EFHB: variants seen among roughly 807,000 people sequenced by gnomAD.
The protein encoded by EFHB is EF-hand domain-containing family member B.
A neutral mutation model predicts 87.2 loss-of-function variants in EFHB; 91 were observed. The ratio of observed to expected loss-of-function variants is 1.04; its 90% CI spans 0.88 to 1.24. The LOEUF is 1.24. Ranked by LOEUF, EFHB falls within the 50% of genes most tolerant of loss-of-function variation. The pLI, the probability that EFHB is intolerant of heterozygous loss-of-function variation, is 0.00. For missense variants in EFHB, 1,084 were observed against 998.8 expected (o/e 1.09, Z -1.15); for synonymous variants, 325 against 333.6 (o/e 0.97, Z 0.28).
At chr3:19,879,857 A>G in intron 12 of EFHB, 53 bp from the exon 13 acceptor site, 1 of 1,478,616 alleles carries the variant, frequency 6.8e-7, no homozygotes, top group South Asian at 1.4e-5. Context: ...AAAACTTGTA[A>G]TGAAAAATAT....
rs772120595 is a variant in EFHB at position 19,933,328 on chromosome 3, T to C, written c.691A>G (p.Lys231Glu). 1.3e-5 allele frequency: 21 copies of C among 1,613,836 alleles called. No homozygotes were observed. In the South Asian group the frequency reaches 2.2e-4, roughly 17 times the overall value. ...CCTGATTCAATGTTTCCAGCCTCCT[T>C]TCTCTGTTCATGTTGTTGGGCAAAC... The part of the protein sequence containing the change: ...CQFAQQHEQR[K>E]EAGNIESGVE... Residue 231 changes from lysine to glutamate, a missense_variant, in exon 1 of 13, where the codon AAG (lysine) becomes GAG (glutamate). Physicochemically the swap from Lys to Glu is moderately conservative, Grantham distance 56 (BLOSUM62 1). Transcript: ENST00000295824.
intron 10 of EFHB, among the ~76,000 whole-genome samples, chr3:19,885,395 G>A (rs1413647130): frequency 2.6e-5 from 4 of 152,184 alleles, no homozygotes; most frequent in Non-Finnish European, 5.9e-5. Context: ...AACTCACTGT[G>A]AGCTCAAGAA....
At chr3:19,936,428 G>T, upstream of EFHB, 1 of 518,930 alleles carries the variant, frequency 1.9e-6, no homozygotes, top group Non-Finnish European at 3.4e-6. Context: ...GCCAGGTGTA[G>T]TGGTACATGC....
At chr3:19,906,340 G>A (rs1042877990) in intron 5 of EFHB, among the ~76,000 whole-genome samples, 1 of 151,796 alleles carries the variant, frequency 6.6e-6, no homozygotes, top group African/African-American at 2.4e-5. Flanking sequence ...AAAAACAAAA[G>A]AACTAATAAG....
chr3:19,884,563 T>C lies in EFHB; in HGVS notation c.1986A>G (p.Glu662=). 6.2e-7 allele frequency: 1 copy of C among 1,614,008 alleles called. No individual in the cohort carries two copies. Among genetic ancestry groups the C allele is most frequent in the Non-Finnish European group, 8.5e-7 (1 of 1,179,890 alleles). The change falls in exon 11 of 13, where the codon GAA becomes GAG. Residue 662 remains glutamate, a synonymous_variant. Transcript: ENST00000295824. ...CTTCTGGCTTTATGAGGAGAGTTTGTTCAGGTTCTTCAACATTAGCCTCAG... is the reference window on the plus strand; with the variant it reads ...CTTCTGGCTTTATGAGGAGAGTTTGCTCAGGTTCTTCAACATTAGCCTCAG... ...NPTEANVEEP[E]QTLLIKPEDI...
At chr3:19,907,451 T>G (rs1056609334) in intron 5 of EFHB, among the ~76,000 whole-genome samples, 7 of 152,158 alleles carry the variant, frequency 4.6e-5, no homozygotes, top group African/African-American at 1.7e-4. Flanking sequence ...ATGGAAATCC[T>G]GAAGATCAAG....
intron 3 of EFHB, among the ~76,000 whole-genome samples, chr3:19,918,808 CTACTAAAAAAAA>C (rs968356040): frequency 8.2e-6 from 1 of 122,204 alleles, no homozygotes. Context: ...AACCCCATAA[CTACTAAAAAAAA>C]AAAAAAAAAA....
At chr3:19,897,988 T>C (rs1694543826) in intron 8 of EFHB, among the ~76,000 whole-genome samples, 1 of 152,180 alleles carries the variant, frequency 6.6e-6, no homozygotes, top group African/African-American at 2.4e-5. Context: ...AATCAGAATA[T>C]CTAGGGCATG....
At chr3:19,898,124 T>C (rs142057674) in intron 8 of EFHB, among the ~76,000 whole-genome samples, 1,575 of 152,322 alleles carry the variant, frequency 0.01, 11 homozygotes, top group Middle Eastern at 0.017. Flanking sequence ...ATTTTTCCCT[T>C]TGGATATCTG....
chr3:19,908,977 G>A (rs957045282), intron 5 of EFHB, among the ~76,000 whole-genome samples: 8 of 151,756 alleles, frequency 5.3e-5, no homozygotes, highest in Non-Finnish European at 8.8e-5. Context: ...GGAGCAAGAC[G>A]GCAGAATAGA....
At chr3:19,927,837 G>C (rs537707594) in intron 1 of EFHB, among the ~76,000 whole-genome samples, 2 of 152,060 alleles carry the variant, frequency 1.3e-5, no homozygotes, top group South Asian at 2.1e-4. Context: ...CAGGATGTTA[G>C]GGATTGCCTT....
intron 4 of EFHB, 37 bp downstream of exon 4, chr3:19,918,195 C>A (rs1401624645): frequency 6.6e-7 from 1 of 1,514,036 alleles, no homozygotes; most frequent in South Asian, 1.3e-5. Flanking sequence ...ACTTATTTTA[C>A]CAGCCCCTTC....
upstream of EFHB, among the ~76,000 whole-genome samples, chr3:19,938,991 C>CT (rs1432684869): frequency 2.0e-5 from 3 of 152,276 alleles, no homozygotes; most frequent in African/African-American, 7.2e-5. Context: ...ACTGCAACCT[C>CT]TGTCTCCAGG....
chr3:19,934,365 CT>C (rs1214315880), upstream of EFHB: 1 of 758,734 alleles, frequency 1.3e-6, no homozygotes, highest in Non-Finnish European at 1.7e-6. Flanking sequence ...TCTCTCTCCC[CT>C]CTTCTCTCTC....
At chr3:19,898,927 T>TAGTA in intron 7 of EFHB, 82 bp from the exon 8 acceptor site, 2 of 1,366,968 alleles carry the variant, frequency 1.5e-6, no homozygotes, top group Middle Eastern at 1.8e-4. Context: ...CATATGTTCT[T>TAGTA]AGTAGCCCAT....
chr3:19,941,783 G>C (rs912969211), intron 1 of EFHB, among the ~76,000 whole-genome samples: 3 of 151,734 alleles, frequency 2.0e-5, no homozygotes, highest in African/African-American at 7.3e-5. Context: ...CTTGAACCCG[G>C]GAGGCAGAGG....
intron 9 of EFHB, among the ~76,000 whole-genome samples, chr3:19,891,364 A>G (rs1694300032): frequency 7.0e-6 from 1 of 142,662 alleles, no homozygotes; most frequent in African/African-American, 2.9e-5. Context: ...CTGAGAAGTG[A>G]TCCTTTAGAA....
chr3:19,888,365 C>T (rs1161227145), intron 10 of EFHB, 79 bp downstream of exon 10: 9 of 801,182 alleles, frequency 1.1e-5, no homozygotes, highest in South Asian at 8.6e-5. Context: ...AGTGAGACCT[C>T]GTCTGTATTA....
intron 6 of EFHB, among the ~76,000 whole-genome samples, chr3:19,899,798 C>G (rs1694610067): frequency 6.6e-6 from 1 of 152,128 alleles, no homozygotes; most frequent in South Asian, 2.1e-4. Context: ...CCTGGCCGGG[C>G]ACAGTGGCTC....
Sources: gnomAD v4.1 joint callset for allele counts (sites outside exome capture counted in the v4.1 genomes callset) on GRCh38, gnomAD v4.1.1 for gene constraint, MANE v1.5 for transcripts, NCBI Gene and HGNC (gene_info 2026-07-23, HGNC 2026-07-21) for gene names.